The following DCAF6 variants were observed in gnomAD, a reference collection of about 807,000 sequenced individuals.
The protein encoded by DCAF6 is DDB1- and CUL4-associated factor 6.
A neutral mutation model predicts 125.1 loss-of-function variants in DCAF6; 54 were observed. That is an observed-to-expected ratio of 0.43 (90% CI 0.35 to 0.54). DCAF6 has a LOEUF of 0.54. Among genes scored for constraint, DCAF6 ranks in the 20% least tolerant of loss-of-function variants. The pLI is 0.01. For missense variants in DCAF6, 934 were observed against 1,161.7 expected (o/e 0.80, Z 2.85); for synonymous variants, 371 against 390.4 (o/e 0.95, Z 0.58).
intron 7 of DCAF6, among the ~76,000 whole-genome samples, chr1:167,994,512 G>C (rs547518505): frequency 1.7e-4 from 26 of 152,046 alleles, no homozygotes; most frequent in Middle Eastern, 6.8e-3. Flanking sequence ...GTAACCTTAG[G>C]TATATTTTAC....
intron 10 of DCAF6, among the ~76,000 whole-genome samples, chr1:168,010,657 A>G (rs1684159520): frequency 6.6e-6 from 1 of 152,148 alleles, no homozygotes. Context: ...TTATAAAATT[A>G]TATGTTTAAA....
the DCAF6 span, among the ~76,000 whole-genome samples, chr1:167,869,653 C>T: frequency 6.6e-6 from 1 of 152,170 alleles, no homozygotes; most frequent in Admixed American, 6.5e-5. Context: ...TGAAATCTCT[C>T]GTTCTGTTCT....
intron 13 of DCAF6, among the ~76,000 whole-genome samples, chr1:168,039,739 A>G (rs941155070): frequency 6.7e-6 from 1 of 148,444 alleles, no homozygotes; most frequent in Non-Finnish European, 1.5e-5. Flanking sequence ...TGTTACTATA[A>G]TATATGTAAT....
chr1:168,007,434 G>A (rs567994223), intron 10 of DCAF6, among the ~76,000 whole-genome samples: 2 of 152,096 alleles, frequency 1.3e-5, no homozygotes, highest in Admixed American at 6.6e-5. Flanking sequence ...GTTGATAGAT[G>A]CTCTCTCCAT....
At chr1:167,865,879 A>G in the DCAF6 span, among the ~76,000 whole-genome samples, 1 of 152,310 alleles carries the variant, frequency 6.6e-6, no homozygotes, top group East Asian at 1.9e-4. Flanking sequence ...GCTGCATGGT[A>G]GCTCTTTTCC....
chr1:167,901,823 CCG>C, the DCAF6 span: 1 of 1,614,172 alleles, frequency 6.2e-7, no homozygotes, highest in Non-Finnish European at 8.5e-7. Flanking sequence ...GAGAGACATG[CCG>C]CGGGCTTTTG....
rs183057501 is a variant in DCAF6 at position 168,013,833 on chromosome 1, C to T, written c.1379-1948C>T. Among the ~76,000 whole-genome samples, 50 of 152,140 alleles carry T rather than the reference C, an allele frequency of 3.3e-4. No individual in the cohort carries two copies. The East Asian group carries it at 9.1e-3, about 28-fold the overall frequency. Reference sequence around the variant, plus strand: ...CAGTCGTGGCTTACTGCAGCCTTGACCTCCCTGGCTCAAGTGATCCTCCTA... The same window carrying T: ...CAGTCGTGGCTTACTGCAGCCTTGATCTCCCTGGCTCAAGTGATCCTCCTA... On this transcript the variant is annotated intron_variant, in intron 10 of 21. Coordinates refer to ENST00000367840, the MANE Select transcript of DCAF6 (RefSeq NM_001198956.2).
intron 16 of DCAF6, among the ~76,000 whole-genome samples, chr1:168,050,359 C>T (rs1243620334): frequency 4.6e-5 from 7 of 152,122 alleles, no homozygotes. Flanking sequence ...CCTTATTTCT[C>T]ATTATTGCAG....
chr1:168,012,177 C>T (rs1003171114), intron 10 of DCAF6, among the ~76,000 whole-genome samples: 6 of 151,974 alleles, frequency 3.9e-5, no homozygotes, highest in Non-Finnish European at 7.4e-5. Context: ...GATAAAGTGC[C>T]ACCAAATTAG....
At chr1:167,886,488 T>A in the DCAF6 span, among the ~76,000 whole-genome samples, 3 of 152,212 alleles carry the variant, frequency 2.0e-5, no homozygotes, top group African/African-American at 4.8e-5. Flanking sequence ...GAAAACTGGC[T>A]AGCCATATGT....
intron 7 of DCAF6, among the ~76,000 whole-genome samples, chr1:167,993,885 C>G (rs890126123): frequency 1.3e-5 from 2 of 151,250 alleles, no homozygotes; most frequent in African/African-American, 4.9e-5. Flanking sequence ...GTTCAGAAAA[C>G]AAAAAACATG....
In DCAF6 at chr1:168,044,582, C is replaced by A; in HGVS notation, c.1844-3C>A. The A allele has an allele frequency of 6.2e-7, 1 of 1,609,420 alleles. No individual in the cohort carries two copies. Among genetic ancestry groups the A allele is most frequent in the Non-Finnish European group, 8.5e-7 (1 of 1,176,302 alleles). ...GGATGACTGTAATTTGGTTTACTTA[C>A]AGAAGCTCCTGAAGAATCATCAGAG... On this transcript the variant is annotated splice_polypyrimidine_tract_variant and splice_region_variant and intron_variant, in intron 14 of 21. Coordinates refer to ENST00000367840, the MANE Select transcript of DCAF6 (RefSeq NM_001198956.2).
At chr1:167,951,980 T>C (rs995698391) in intron 2 of DCAF6, 119 bp downstream of exon 2, 1 of 574,228 alleles carries the variant, frequency 1.7e-6, no homozygotes, top group African/African-American at 1.9e-5. Context: ...GAGAATAAAG[T>C]TTTACATTAA....
intron 17 of DCAF6, chr1:168,056,407 C>G: frequency 7.3e-7 from 1 of 1,360,934 alleles, no homozygotes; most frequent in Non-Finnish European, 9.4e-7. Flanking sequence ...ACGCTCCGCA[C>G]CACTCGCAGC....
rs113898939 is a variant in DCAF6, at chr1:168,025,184, T to C, written c.1609+2137T>C. 7.9e-3 allele frequency among the ~76,000 whole-genome samples: 1,207 copies of C among 152,290 alleles called. 14 individuals carry two copies. The highest frequency in any genetic ancestry group is 0.027 in the African/African-American group (1,138 of 41,558). Reference sequence around the variant, plus strand: ...ATTCTAGTTAATCACATACAATAATTTTCATAGCATTACATTTAATATTAT... The same window carrying C: ...ATTCTAGTTAATCACATACAATAATCTTCATAGCATTACATTTAATATTAT... On this transcript the variant is annotated intron_variant, in intron 12 of 21. Coordinates refer to ENST00000367840, the MANE Select transcript of DCAF6 (RefSeq NM_001198956.2).
At chr1:168,048,775 AT>A (rs1181674166) in intron 16 of DCAF6, among the ~76,000 whole-genome samples, 5 of 152,238 alleles carry the variant, frequency 3.3e-5, no homozygotes, top group East Asian at 3.8e-4. Flanking sequence ...AATGGAGACC[AT>A]TATGGTAGGT....
At position 167,991,190 on chromosome 1, in the gene DCAF6, G is replaced by A. The variant is rs370286423; in HGVS notation, c.553-14G>A. ...TATAACTATATGTAATTGGTATTAT[G>A]TTATGTTTTGTAGGATATTTTAATT... On this transcript the variant is annotated splice_polypyrimidine_tract_variant and intron_variant, in intron 5 of 21. Transcript: ENST00000367840. 74 of 1,606,016 alleles carry A rather than the reference G, an allele frequency of 4.6e-5. No individual in the cohort carries two copies. The highest frequency in any genetic ancestry group is 6.1e-5 in the Non-Finnish European group (72 of 1,176,954).
At chr1:167,961,282 G>A (rs982626920) in intron 2 of DCAF6, among the ~76,000 whole-genome samples, 6 of 151,852 alleles carry the variant, frequency 4.0e-5, no homozygotes, top group Non-Finnish European at 8.8e-5. Flanking sequence ...TTGCTCTGTC[G>A]CCCAGGCTGG....
intron 21 of DCAF6, among the ~76,000 whole-genome samples, chr1:168,071,453 T>TA (rs111408192): frequency 4.0e-5 from 6 of 151,362 alleles, no homozygotes; most frequent in Non-Finnish European, 5.9e-5. Context: ...AAATAAAAAA[T>TA]AAAAAAAATT....
Sources: allele counts gnomAD v4.1 joint callset (sites outside exome capture counted in the v4.1 genomes callset), GRCh38; gene constraint gnomAD v4.1.1; transcripts MANE v1.5; gene names NCBI Gene and HGNC (gene_info 2026-07-23, HGNC 2026-07-21).